TRPC5: variants seen among roughly 807,000 people sequenced by gnomAD.
The protein encoded by TRPC5 is transient receptor potential cation channel subfamily C member 5.
Under a neutral mutation model 56.5 loss-of-function variants are expected in TRPC5, and 9 were observed. The observed-to-expected ratio is 0.16, with a 90% confidence interval of 0.10 to 0.28. TRPC5 has a LOEUF of 0.28. Ranked by LOEUF, TRPC5 falls within the 10% of genes least tolerant of loss-of-function variation. The pLI, the probability that TRPC5 is intolerant of heterozygous loss-of-function variation, is 1.00. For missense variants in TRPC5, 469 were observed against 748.9 expected (o/e 0.63, Z 4.36); for synonymous variants, 282 against 278.5 (o/e 1.01, Z -0.13).
At chrX:111,786,449 C>T (rs1945966052) in intron 7 of TRPC5, among the ~76,000 whole-genome samples, 1 of 111,550 alleles carries the variant, frequency 9.0e-6, no homozygotes, top group Non-Finnish European at 1.9e-5. Flanking sequence ...CGGTACTAGC[C>T]ACTGCAAAAA....
chrX:112,028,958 A>G (rs17222671), intron 1 of TRPC5, among the ~76,000 whole-genome samples: 5,678 of 112,014 alleles, frequency 0.051, 112 homozygotes, highest in Middle Eastern at 0.074. Context: ...GTTGCTTTTA[A>G]CTTTTAATTT....
chrX:111,922,049 A>G (rs1348349137), intron 2 of TRPC5, among the ~76,000 whole-genome samples: 1 of 112,108 alleles, frequency 8.9e-6, no homozygotes, highest in African/African-American at 3.2e-5. Context: ...GATAGATCAT[A>G]CTCCTTTTTC....
At chrX:111,892,762 G>T (rs1380382064) in intron 3 of TRPC5, among the ~76,000 whole-genome samples, 1 of 111,651 alleles carries the variant, frequency 9.0e-6, no homozygotes, top group Non-Finnish European at 1.9e-5. Flanking sequence ...GAGATGAATT[G>T]TGTCTCTGGC....
rs757631653 is a variant in TRPC5, at chrX:111,911,745, A to T, written c.900+546T>A. ...ACCTACAAACCTTGAGTATGACTTC[A>T]TCTTTCAAATGTGTTTTTTAGCCTT... On this transcript the variant is annotated intron_variant, in intron 3 of 10. Coordinates refer to ENST00000262839, the MANE Select transcript of TRPC5 (RefSeq NM_012471.3). 1.3e-3 allele frequency among the ~76,000 whole-genome samples: 143 copies of T among 111,990 alleles called. 1 individual carries two copies. The highest frequency in any genetic ancestry group is 4.2e-3 in the African/African-American group (128 of 30,839).
rs1220942779 is a variant in TRPC5 at position 111,768,339 on chromosome X, A to G, written c.*7974T>C. Among the ~76,000 whole-genome samples the G allele has an allele frequency of 1.8e-5, 2 of 112,233 alleles. No homozygotes were observed. Among genetic ancestry groups the G allele is most frequent in the East Asian group, 5.6e-4 (2 of 3,577 alleles). ...ACTAGGCTTAGAAGGTGAATTACAC[A>G]TAGCTCGTATTCTCTAGTATTCTCC... On this transcript the variant is annotated 3_prime_UTR_variant, in exon 11 of 11. Coordinates refer to ENST00000262839, the MANE Select transcript of TRPC5 (RefSeq NM_012471.3).
chrX:111,863,050 C>CT (rs1476023323), intron 3 of TRPC5, among the ~76,000 whole-genome samples: 74 of 111,612 alleles, frequency 6.6e-4, no homozygotes, highest in African/African-American at 2.2e-3. Flanking sequence ...ATCTAATTGG[C>CT]TTTTTTCATG....
intron 1 of TRPC5, among the ~76,000 whole-genome samples, chrX:111,983,809 C>G (rs1333820952): frequency 9.0e-6 from 1 of 111,066 alleles, no homozygotes; most frequent in African/African-American, 3.3e-5. Flanking sequence ...GTAAACCAGG[C>G]CTGAGTCTTC....
At position 111,769,395 on chromosome X, in the gene TRPC5, T is replaced by C. The variant is rs1945831213; in HGVS notation, c.*6918A>G. Among the ~76,000 whole-genome samples the C allele has an allele frequency of 8.9e-6, 1 of 111,997 alleles. No individual in the cohort carries two copies. Among genetic ancestry groups the C allele is most frequent in the African/African-American group, 3.2e-5 (1 of 30,818 alleles). ...TTCTCTATCTAAATATATTGCTCTTTAAAGTGTTCTCTTCAGGAGGCTATG... is the reference window on the plus strand; with the variant it reads ...TTCTCTATCTAAATATATTGCTCTTCAAAGTGTTCTCTTCAGGAGGCTATG... On this transcript the variant is annotated 3_prime_UTR_variant, in exon 11 of 11. Transcript: ENST00000262839.
chrX:112,069,834 C>A (rs1930674110), intron 1 of TRPC5, among the ~76,000 whole-genome samples: 1 of 111,328 alleles, frequency 9.0e-6, no homozygotes, highest in Admixed American at 9.5e-5. Context: ...ATCCTGGACA[C>A]CATAAAGCTT....
At chrX:112,013,040 T>C (rs1404678988) in intron 1 of TRPC5, among the ~76,000 whole-genome samples, 1 of 112,482 alleles carries the variant, frequency 8.9e-6, no homozygotes, top group Non-Finnish European at 1.9e-5. Context: ...AAAATGTATC[T>C]TGAGGCTTCA....
At chrX:111,917,201 CT>C (rs1926002402) in intron 2 of TRPC5, among the ~76,000 whole-genome samples, 1 of 112,196 alleles carries the variant, frequency 8.9e-6, no homozygotes, top group African/African-American at 3.2e-5. Flanking sequence ...CAGTTTCATG[CT>C]ACCAATATGA....
At chrX:112,010,005 C>T (rs1475898579) in intron 1 of TRPC5, among the ~76,000 whole-genome samples, 4 of 111,829 alleles carry the variant, frequency 3.6e-5, no homozygotes, top group African/African-American at 9.8e-5. Context: ...TAAAAAAAAT[C>T]GTACTTCAAG....
At chrX:111,846,148 A>G (rs1922920303) in intron 6 of TRPC5, among the ~76,000 whole-genome samples, 1 of 111,958 alleles carries the variant, frequency 8.9e-6, no homozygotes, top group African/African-American at 3.2e-5. Flanking sequence ...AGAATGTCCA[A>G]GTCCACTGAA....
chrX:111,963,373 C>A (rs1185141984), intron 1 of TRPC5, among the ~76,000 whole-genome samples: 1 of 112,449 alleles, frequency 8.9e-6, no homozygotes, highest in East Asian at 2.8e-4. Context: ...GGCCTTCCTG[C>A]CTCTGTAGGC....
chrX:111,965,966 A>C (rs1369278080), intron 1 of TRPC5, among the ~76,000 whole-genome samples: 1 of 112,060 alleles, frequency 8.9e-6, no homozygotes, highest in African/African-American at 3.3e-5. Context: ...GAAGGCAAGA[A>C]GTAACTAAAA....
chrX:111,926,997 T>C (rs1355715870), intron 2 of TRPC5, among the ~76,000 whole-genome samples: 1 of 111,409 alleles, frequency 9.0e-6, no homozygotes, highest in Non-Finnish European at 1.9e-5. Flanking sequence ...AGGAGGAAGG[T>C]GATTAGGTGA....
intron 7 of TRPC5, among the ~76,000 whole-genome samples, chrX:111,788,482 C>T (rs1027897897): frequency 6.2e-5 from 7 of 112,004 alleles, no homozygotes; most frequent in African/African-American, 2.3e-4. Flanking sequence ...AAACTGGAAG[C>T]ATTCCCTTTG....
In TRPC5 at chrX:112,082,242, C is replaced by A. The variant is rs1187708748; in HGVS notation, c.-385G>T. On this transcript the variant is annotated 5_prime_UTR_variant, in exon 1 of 11. Transcript: ENST00000262839. ...CCAGCTCTCTAACCCAACCTGAGCC[C>A]CTTCAAGCGCACCCACTCCCTTCAC... The A allele has an allele frequency of 9.0e-6, 1 of 111,589 alleles. No individual in the cohort carries two copies. Among genetic ancestry groups the A allele is most frequent in the South Asian group, 3.9e-4 (1 of 2,588 alleles). 9.2% of individuals were successfully genotyped at this position (111,589 alleles called of 1,213,427 possible). A position where few individuals can be genotyped will look rare whatever the true frequency, so the allele number is the denominator to read the frequency against.
intron 1 of TRPC5, among the ~76,000 whole-genome samples, chrX:111,958,015 T>C (rs191557393): frequency 8.9e-6 from 1 of 111,893 alleles, no homozygotes; most frequent in Admixed American, 9.5e-5. Context: ...GATCTAGGGA[T>C]GGTCTTTCTA....
Sources: gnomAD v4.1 joint callset for allele counts (sites outside exome capture counted in the v4.1 genomes callset) on GRCh38, gnomAD v4.1.1 for gene constraint, MANE v1.5 for transcripts, NCBI Gene and HGNC (gene_info 2026-07-23, HGNC 2026-07-21) for gene names.